Variants in SORCS1 observed in about 807,000 individuals in gnomAD.
SORCS1 encodes the protein sortilin related VPS10 domain containing receptor 1, also known as VPS10 domain-containing receptor SorCS1.
A neutral mutation model predicts 146.1 loss-of-function variants in SORCS1; 60 were observed. The ratio of observed to expected loss-of-function variants is 0.41; its 90% CI spans 0.33 to 0.51. SORCS1 has a LOEUF of 0.51. Among genes scored for constraint, SORCS1 ranks in the 20% least tolerant of loss-of-function variants. The pLI, the probability that SORCS1 is intolerant of heterozygous loss-of-function variation, is 0.21. For missense variants in SORCS1, 1,352 were observed against 1,487.6 expected (o/e 0.91, Z 1.50); for synonymous variants, 637 against 584.0 (o/e 1.09, Z -1.31).
intron 3 of SORCS1, among the ~76,000 whole-genome samples, chr10:106,827,965 C>A (rs996116187): frequency 1.1e-4 from 16 of 152,192 alleles, no homozygotes; most frequent in Non-Finnish European, 2.2e-4. Flanking sequence ...AAGAAAATTT[C>A]TATCATCAAG....
intron 6 of SORCS1, among the ~76,000 whole-genome samples, chr10:106,716,572 A>C (rs1011949370): frequency 2.0e-5 from 3 of 152,188 alleles, no homozygotes; most frequent in Non-Finnish European, 4.4e-5. Context: ...ATTTCTAAAC[A>C]GCATGCTTAA....
intron 2 of SORCS1, among the ~76,000 whole-genome samples, chr10:106,937,982 A>C (rs1953837153): frequency 6.6e-6 from 1 of 151,954 alleles, no homozygotes; most frequent in African/African-American, 2.4e-5. Context: ...GAAAAAAAAA[A>C]AAAAAAAAGA....
At chr10:106,900,306 C>T (rs908734137) in intron 2 of SORCS1, among the ~76,000 whole-genome samples, 28 of 152,048 alleles carry the variant, frequency 1.8e-4, no homozygotes, top group Non-Finnish European at 2.8e-4. Flanking sequence ...GGTAACAATG[C>T]CTGTTTAATA....
At chr10:106,936,692 T>C (rs745980404) in intron 2 of SORCS1, among the ~76,000 whole-genome samples, 1 of 152,208 alleles carries the variant, frequency 6.6e-6, no homozygotes, top group Non-Finnish European at 1.5e-5. Flanking sequence ...ATGGCCTTGA[T>C]GATGAGAAGA....
chr10:107,048,377 T>G (rs74154839), intron 1 of SORCS1, among the ~76,000 whole-genome samples: 4,526 of 152,258 alleles, frequency 0.03, 210 homozygotes, highest in African/African-American at 0.1. Context: ...CCACTTACTT[T>G]GCCTCATTTT....
At chr10:106,874,304 A>C (rs907407268) in intron 2 of SORCS1, among the ~76,000 whole-genome samples, 4 of 152,234 alleles carry the variant, frequency 2.6e-5, no homozygotes, top group African/African-American at 9.6e-5. Flanking sequence ...AAGTCAAAGA[A>C]AACAATGATC....
At chr10:107,050,740 T>C (rs983286343) in intron 1 of SORCS1, among the ~76,000 whole-genome samples, 4 of 152,138 alleles carry the variant, frequency 2.6e-5, no homozygotes, top group Admixed American at 1.3e-4. Flanking sequence ...GGTATTTTCT[T>C]TTTAGAACCA....
At chr10:106,624,342 G>T (rs1847943123) in intron 19 of SORCS1, among the ~76,000 whole-genome samples, 2 of 137,056 alleles carry the variant, frequency 1.5e-5, no homozygotes, top group South Asian at 2.4e-4. Flanking sequence ...TTTGGTCAAT[G>T]ACGATTTTTT....
rs376626023 is a variant in SORCS1 at position 107,076,015 on chromosome 10, T to C, written c.558+87954A>G. Among the ~76,000 whole-genome samples the C allele has an allele frequency of 1.1e-4, 16 of 152,182 alleles. 1 individual carries two copies. Among genetic ancestry groups the C allele is most frequent in the African/African-American group, 3.9e-4 (16 of 41,556 alleles). On this transcript the variant is annotated intron_variant, in intron 1 of 25. Transcript: ENST00000263054. ...TGACACCAAAAAAAAATCAAGAATA[T>C]AGGGAATAGCTACTAATTAAGTGAC...
intron 2 of SORCS1, among the ~76,000 whole-genome samples, chr10:106,911,418 C>T (rs1952146125): frequency 6.6e-6 from 1 of 152,138 alleles, no homozygotes; most frequent in Non-Finnish European, 1.5e-5. Context: ...GACAACAAAA[C>T]CTGCAAATGT....
At chr10:107,081,618 C>T (rs1346989834) in intron 1 of SORCS1, among the ~76,000 whole-genome samples, 1 of 152,048 alleles carries the variant, frequency 6.6e-6, no homozygotes, top group Non-Finnish European at 1.5e-5. Flanking sequence ...TTGCTTATGG[C>T]TATCACTTAG....
chr10:107,171,958 A>G, the SORCS1 span, among the ~76,000 whole-genome samples: 11 of 152,358 alleles, frequency 7.2e-5, no homozygotes, highest in African/African-American at 2.6e-4. Flanking sequence ...CTGCTCAGTT[A>G]CTATCATCAG....
intron 3 of SORCS1, among the ~76,000 whole-genome samples, chr10:106,807,658 T>C (rs1397973328): frequency 2.0e-5 from 3 of 152,248 alleles, no homozygotes; most frequent in Middle Eastern, 3.2e-3. Flanking sequence ...CAGAATCCAT[T>C]GCAAGTAATT....
At chr10:107,110,837 G>T (rs1331852689) in intron 1 of SORCS1, among the ~76,000 whole-genome samples, 1 of 152,178 alleles carries the variant, frequency 6.6e-6, no homozygotes, top group Non-Finnish European at 1.5e-5. Context: ...ACTGGTAACA[G>T]GCCTGCTGTC....
At chr10:106,862,764 T>C (rs186701603) in intron 2 of SORCS1, among the ~76,000 whole-genome samples, 4,986 of 111,112 alleles carry the variant, frequency 0.045, 135 homozygotes, top group South Asian at 0.13. Context: ...GCTAACACGG[T>C]GAAACCCTGT....
At chr10:106,849,378 C>T (rs557765797) in intron 2 of SORCS1, among the ~76,000 whole-genome samples, 20 of 148,940 alleles carry the variant, frequency 1.3e-4, no homozygotes, top group Admixed American at 6.7e-4. Context: ...TTGATCGCAT[C>T]GGCTCCTGAG....
At chr10:106,851,341 C>A (rs1949564246) in intron 2 of SORCS1, among the ~76,000 whole-genome samples, 1 of 152,156 alleles carries the variant, frequency 6.6e-6, no homozygotes, top group Non-Finnish European at 1.5e-5. Flanking sequence ...ACATTTAGGT[C>A]TATGATACAT....
chr10:106,940,751 G>T (rs1953999893), intron 2 of SORCS1, among the ~76,000 whole-genome samples: 2 of 152,188 alleles, frequency 1.3e-5, no homozygotes, highest in Admixed American at 1.3e-4. Flanking sequence ...GGGTATGGTG[G>T]CACATGGCTG....
intron 3 of SORCS1, among the ~76,000 whole-genome samples, chr10:106,802,584 C>T (rs188984320): frequency 6.6e-6 from 1 of 152,120 alleles, no homozygotes; most frequent in East Asian, 1.9e-4. Flanking sequence ...CTGCAATCTC[C>T]GCCTCCCAGG....
Sources: gnomAD v4.1 joint callset for allele counts (sites outside exome capture counted in the v4.1 genomes callset) on GRCh38, gnomAD v4.1.1 for gene constraint, MANE v1.5 for transcripts, NCBI Gene and HGNC (gene_info 2026-07-23, HGNC 2026-07-21) for gene names.